ASNS: variants seen among roughly 807,000 people sequenced by gnomAD.
ASNS encodes asparagine synthetase [glutamine-hydrolyzing].
In ASNS, 37 loss-of-function variants were observed where a neutral mutation model predicts 62.6. The ratio of observed to expected loss-of-function variants is 0.59; its 90% CI spans 0.45 to 0.78. ASNS has a LOEUF of 0.78. Among genes scored for constraint, ASNS ranks in the 30% least tolerant of loss-of-function variants. ASNS has a pLI of 0.00. For missense variants in ASNS, 520 were observed against 682.4 expected (o/e 0.76, Z 2.65); for synonymous variants, 207 against 237.9 (o/e 0.87, Z 1.19).
chr7:97,855,234 T>A, intron 9 of ASNS, 119 bp downstream of exon 9: 1 of 685,636 alleles, frequency 1.5e-6, no homozygotes, highest in East Asian at 2.7e-5. Flanking sequence ...GATTCCCTTT[T>A]GTAACCTCAC....
At chr7:97,915,816 G>A in the ASNS span, among the ~76,000 whole-genome samples, 1 of 152,142 alleles carries the variant, frequency 6.6e-6, no homozygotes, top group Admixed American at 6.5e-5. Context: ...TGAACATGTG[G>A]ATAATCACAG....
chr7:97,852,582 C>T, intron 12 of ASNS, 114 bp from the exon 13 acceptor site: 2 of 986,410 alleles, frequency 2.0e-6, no homozygotes, highest in Admixed American at 1.9e-5. Flanking sequence ...TTGTATGAGA[C>T]CCTTTGAATC....
At position 97,858,179 on chromosome 7, in the gene ASNS, A is replaced by G; in HGVS notation, c.903+99T>C. 2.7e-6 allele frequency: 4 copies of G among 1,489,480 alleles called. No individual in the cohort carries two copies. The African/African-American group carries it at 4.2e-5, about 16-fold the overall frequency. 92.3% of individuals were successfully genotyped at this position (1,489,480 alleles called of 1,614,324 possible). A position where few individuals can be genotyped will look rare whatever the true frequency, so the allele number is the denominator to read the frequency against. ...CAATTTAAAACAATTGACCCAGTCA[A>G]TACAGCAGCAGTAGAATCACCCATT... On this transcript the variant is annotated intron_variant, in intron 7 of 12. Coordinates refer to ENST00000394308, the MANE Select transcript of ASNS (RefSeq NM_001673.5).
chr7:97,896,711 T>TATAC, the ASNS span, among the ~76,000 whole-genome samples: 5 of 44,274 alleles, frequency 1.1e-4, no homozygotes, highest in Non-Finnish European at 2.4e-4. Context: ...TGTATATATA[T>TATAC]ACACACACAC....
At chr7:97,896,709 TATACAC>T in the ASNS span, among the ~76,000 whole-genome samples, 15 of 36,680 alleles carry the variant, frequency 4.1e-4, 1 homozygote, top group East Asian at 6.0e-3. Context: ...TGTGTATATA[TATACAC>T]ACACACACAC....
intron 4 of ASNS, 76 bp downstream of exon 4, chr7:97,864,183 A>G: frequency 7.4e-7 from 1 of 1,348,912 alleles, no homozygotes; most frequent in Non-Finnish European, 1.0e-6. Flanking sequence ...GCTCTCTAAG[A>G]GATTTTCAAA....
At chr7:97,918,939 T>TA in the ASNS span, among the ~76,000 whole-genome samples, 2 of 151,912 alleles carry the variant, frequency 1.3e-5, no homozygotes, top group Admixed American at 1.3e-4. Flanking sequence ...GAACGTAGAA[T>TA]AAAAAATAAA....
At chr7:97,879,550 G>A in the ASNS span, among the ~76,000 whole-genome samples, 1 of 152,226 alleles carries the variant, frequency 6.6e-6, no homozygotes, top group Non-Finnish European at 1.5e-5. Context: ...TGAGTGGCCA[G>A]ATGGAGAGGC....
the ASNS span, among the ~76,000 whole-genome samples, chr7:97,914,237 C>T: frequency 4.0e-5 from 6 of 151,712 alleles, no homozygotes; most frequent in Admixed American, 2.6e-4. Context: ...GACAGATGAA[C>T]AGATGGACTT....
chr7:97,889,087 C>G, the ASNS span, among the ~76,000 whole-genome samples: 1 of 152,200 alleles, frequency 6.6e-6, no homozygotes, highest in African/African-American at 2.4e-5. Flanking sequence ...CGCAGACAGG[C>G]TATCATCAGT....
chr7:97,895,727 G>T, the ASNS span, among the ~76,000 whole-genome samples: 1 of 152,126 alleles, frequency 6.6e-6, no homozygotes, highest in Non-Finnish European at 1.5e-5. Context: ...AGAGGTGGAG[G>T]TTGCAGTGAG....
chr7:97,859,223 T>C lies in ASNS; in HGVS notation c.663A>G (p.Lys221=). ...PLHALYDNVE[K]LFPGFEIETV... The stretch of plus-strand genomic sequence containing the variant: ...GTGGGTGTCTGCTACCTGGAAAGAG[T>C]TTCTCCACATTGTCATAGAGGGCGT... The change falls in exon 5 of 13, where the codon AAA becomes AAG. Residue 221 remains lysine (K), a synonymous_variant. Transcript: ENST00000394308. 6.2e-7 allele frequency: 1 copy of C among 1,604,286 alleles called. No individual in the cohort carries two copies. The highest frequency in any genetic ancestry group is 1.3e-5 in the African/African-American group (1 of 74,666).
At chr7:97,918,435 C>T in the ASNS span, among the ~76,000 whole-genome samples, 2 of 152,120 alleles carry the variant, frequency 1.3e-5, no homozygotes, top group African/African-American at 4.8e-5. Context: ...CATCCAAAGA[C>T]GTATCGGTGC....
At chr7:97,905,362 C>T in the ASNS span, among the ~76,000 whole-genome samples, 4 of 152,150 alleles carry the variant, frequency 2.6e-5, no homozygotes, top group East Asian at 5.8e-4. Flanking sequence ...GATGACTTGC[C>T]TCGCAACTGC....
chr7:97,924,590 G>A, the ASNS span, among the ~76,000 whole-genome samples: 1,945 of 152,316 alleles, frequency 0.013, 23 homozygotes, highest in Middle Eastern at 0.037. Flanking sequence ...GGAGTGAACT[G>A]GGTGGGCCAC....
the ASNS span, chr7:97,898,964 T>C: frequency 1.2e-6 from 1 of 815,582 alleles, no homozygotes. Flanking sequence ...TTGGGTTCCT[T>C]GGGTCCTGGC....
chr7:97,865,247 A>C (rs569166886), intron 3 of ASNS, among the ~76,000 whole-genome samples: 15 of 152,388 alleles, frequency 9.8e-5, no homozygotes, highest in South Asian at 8.3e-4. Flanking sequence ...GAATACCTGC[A>C]TCAGCTGTTA....
the ASNS span, among the ~76,000 whole-genome samples, chr7:97,894,172 CAG>C: frequency 6.6e-6 from 1 of 151,578 alleles, no homozygotes; most frequent in Non-Finnish European, 1.5e-5. Context: ...TTTTTTTAAA[CAG>C]AAAATGGAAA....
the ASNS span, among the ~76,000 whole-genome samples, chr7:97,889,387 C>T: frequency 1.3e-4 from 20 of 152,228 alleles, 1 homozygote; most frequent in South Asian, 3.7e-3. Context: ...CATGGTTGTA[C>T]GTGCCTATAG....
Sources: allele counts gnomAD v4.1 joint callset (sites outside exome capture counted in the v4.1 genomes callset), GRCh38; gene constraint gnomAD v4.1.1; transcripts MANE v1.5; gene names NCBI Gene and HGNC (gene_info 2026-07-23, HGNC 2026-07-21).